The following ELAVL2 variants were observed in gnomAD, a reference collection of about 807,000 sequenced individuals.
The protein encoded by ELAVL2 is ELAV-like protein 2.
In ELAVL2, 4 loss-of-function variants were observed where a neutral mutation model predicts 34.6. The ratio of observed to expected loss-of-function variants is 0.12; its 90% CI spans 0.06 to 0.26. The LOEUF is 0.26. Among genes scored for constraint, ELAVL2 ranks in the 10% least tolerant of loss-of-function variants. The probability of loss-of-function intolerance (pLI) is 1.00; values close to 1 mark genes in which losing one functional copy is unlikely to be tolerated. For missense variants in ELAVL2, 432 were observed against 442.8 expected, an observed-to-expected ratio of 0.98 and a Z score of 0.22; for synonymous variants, 193 against 154.8, an observed-to-expected ratio of 1.25 and a Z score of -1.83.
chr9:23,821,238 C>T (rs1293223775), intron 1 of ELAVL2: 1 of 152,456 alleles, frequency 6.6e-6, no homozygotes, highest in African/African-American at 2.4e-5. Context: ...TGCGTCTCAA[C>T]AGTTTCCTTC....
At chr9:23,777,100 T>C (rs1321695759) in intron 1 of ELAVL2, among the ~76,000 whole-genome samples, 2 of 152,198 alleles carry the variant, frequency 1.3e-5, no homozygotes, top group African/African-American at 2.4e-5. Context: ...GTAAATTGCT[T>C]AGCAGTAAAT....
At chr9:23,743,369 C>T (rs1029612017) in intron 2 of ELAVL2, among the ~76,000 whole-genome samples, 2 of 152,146 alleles carry the variant, frequency 1.3e-5, no homozygotes, top group African/African-American at 4.8e-5. Flanking sequence ...AAGTGATTAG[C>T]TATTGTAATC....
At chr9:23,787,479 G>A (rs927102539) in intron 1 of ELAVL2, among the ~76,000 whole-genome samples, 2 of 151,394 alleles carry the variant, frequency 1.3e-5, no homozygotes, top group African/African-American at 2.4e-5. Flanking sequence ...TGATCCAACC[G>A]CCTCAGCCTC....
At chr9:23,814,366 G>T (rs1375862478) in intron 1 of ELAVL2, among the ~76,000 whole-genome samples, 1 of 152,098 alleles carries the variant, frequency 6.6e-6, no homozygotes, top group Non-Finnish European at 1.5e-5. Flanking sequence ...CAAATTACCA[G>T]GACCTGGAAC....
chr9:23,735,292 T>A (rs1267211403), intron 2 of ELAVL2: 1 of 152,082 alleles, frequency 6.6e-6, no homozygotes, highest in Non-Finnish European at 1.5e-5. Flanking sequence ...TTTCTTCTTT[T>A]GAGGCAAGGT....
chr9:23,722,878 C>T (rs1033487985), intron 3 of ELAVL2, among the ~76,000 whole-genome samples: 1 of 152,170 alleles, frequency 6.6e-6, no homozygotes, highest in Non-Finnish European at 1.5e-5. Context: ...GAATTAAGGG[C>T]TCCTTCTTGG....
intron 2 of ELAVL2, among the ~76,000 whole-genome samples, chr9:23,751,414 T>C (rs1275843541): frequency 6.6e-6 from 1 of 152,178 alleles, no homozygotes; most frequent in Non-Finnish European, 1.5e-5. Flanking sequence ...CTGTGATGAC[T>C]GAATGAAGAA....
At chr9:23,727,776 G>T (rs1004303678) in intron 3 of ELAVL2, among the ~76,000 whole-genome samples, 1 of 151,960 alleles carries the variant, frequency 6.6e-6, no homozygotes, top group Non-Finnish European at 1.5e-5. Context: ...ACTCACCATG[G>T]AAATACTGAA....
At chr9:23,713,304 C>T (rs576595512) in intron 3 of ELAVL2, among the ~76,000 whole-genome samples, 72 of 152,204 alleles carry the variant, frequency 4.7e-4, no homozygotes, top group Admixed American at 1.4e-3. Context: ...AGATACTTAA[C>T]AGAAAATAAA....
intron 3 of ELAVL2, among the ~76,000 whole-genome samples, chr9:23,724,646 G>A (rs2044615256): frequency 6.6e-6 from 1 of 152,102 alleles, no homozygotes; most frequent in Non-Finnish European, 1.5e-5. Context: ...TATGTAAATG[G>A]GACTCAATAT....
At chr9:23,751,879 G>A (rs1410982443) in intron 2 of ELAVL2, among the ~76,000 whole-genome samples, 4 of 152,074 alleles carry the variant, frequency 2.6e-5, no homozygotes, top group Non-Finnish European at 5.9e-5. Context: ...ATAAAGGCTG[G>A]TGTAATATCA....
chr9:23,731,349 A>AC (rs397780920), intron 2 of ELAVL2, among the ~76,000 whole-genome samples: 3 of 152,040 alleles, frequency 2.0e-5, no homozygotes, highest in Non-Finnish European at 4.4e-5. Context: ...GGAAAAAAAA[A>AC]ACACACATCC....
intron 1 of ELAVL2, chr9:23,821,398 C>A (rs533557498): frequency 2.0e-5 from 3 of 152,236 alleles, no homozygotes; most frequent in African/African-American, 7.2e-5. Flanking sequence ...CTCTCTACTC[C>A]CGCCGCAACG....
At chr9:23,785,115 C>A (rs1176494108) in intron 1 of ELAVL2, among the ~76,000 whole-genome samples, 1 of 152,120 alleles carries the variant, frequency 6.6e-6, no homozygotes, top group African/African-American at 2.4e-5. Context: ...ACCTATTATT[C>A]CCCTCCCACA....
intron 2 of ELAVL2, among the ~76,000 whole-genome samples, chr9:23,758,757 A>G (rs1202620112): frequency 2.0e-5 from 3 of 152,132 alleles, no homozygotes; most frequent in Non-Finnish European, 4.4e-5. Flanking sequence ...CCGGGGAACT[A>G]TAATTCAAAC....
At chr9:23,711,757 G>C (rs2041026794) in intron 3 of ELAVL2, among the ~76,000 whole-genome samples, 2 of 152,086 alleles carry the variant, frequency 1.3e-5, no homozygotes, top group South Asian at 2.1e-4. Flanking sequence ...CCTTTCTTGT[G>C]ACTGACTTAA....
intron 1 of ELAVL2, among the ~76,000 whole-genome samples, chr9:23,806,828 A>G (rs1489790756): frequency 2.6e-5 from 4 of 152,170 alleles, no homozygotes; most frequent in African/African-American, 9.7e-5. Flanking sequence ...CCATTCCGTA[A>G]CAGCTCCTTA....
chr9:23,804,638 C>A (rs1267216339), intron 1 of ELAVL2, among the ~76,000 whole-genome samples: 1 of 152,128 alleles, frequency 6.6e-6, no homozygotes, highest in African/African-American at 2.4e-5. Context: ...GGTTTGTAGT[C>A]TATTTGCATT....
intron 2 of ELAVL2, among the ~76,000 whole-genome samples, chr9:23,742,594 T>C (rs2049501129): frequency 6.6e-6 from 1 of 152,204 alleles, no homozygotes; most frequent in African/African-American, 2.4e-5. Context: ...GTATCTGCTA[T>C]AGACCGATAT....
Sources: gnomAD v4.1 joint callset for allele counts (sites outside exome capture counted in the v4.1 genomes callset) on GRCh38, gnomAD v4.1.1 for gene constraint, MANE v1.5 for transcripts, NCBI Gene and HGNC (gene_info 2026-07-23, HGNC 2026-07-21) for gene names.